Variants in LRIG2 observed in about 807,000 individuals in gnomAD.
LRIG2 encodes leucine rich repeats and immunoglobulin like domains 2.
In LRIG2, 93 loss-of-function variants were observed where a neutral mutation model predicts 107.8. The observed-to-expected ratio is 0.86, with a 90% CI of 0.73 to 1.03. The LOEUF (loss-of-function observed/expected upper bound fraction) is 1.03, where lower values mean the gene tolerates loss of function less well. Among genes scored for constraint, LRIG2 ranks in the 50% least tolerant of loss-of-function variants. The probability of loss-of-function intolerance (pLI) is 0.00; values close to 1 mark genes in which losing one functional copy is unlikely to be tolerated. For missense variants in LRIG2, 1,226 were observed against 1,296.0 expected, an observed-to-expected ratio of 0.95 and a Z score of 0.83; for synonymous variants, 471 against 470.6, an observed-to-expected ratio of 1.00 and a Z score of -0.01.
chr1:113,089,697 T>TTTTTG (rs1653711049), intron 1 of LRIG2, among the ~76,000 whole-genome samples: 2 of 145,094 alleles, frequency 1.4e-5, no homozygotes, highest in Non-Finnish European at 3.0e-5. Context: ...TTTTTTTTTT[T>TTTTTG]TGGAGACAGA....
intron 15 of LRIG2, 80 bp from the exon 16 acceptor site, chr1:113,116,207 T>C: frequency 8.0e-7 from 1 of 1,255,968 alleles, no homozygotes; most frequent in Admixed American, 2.1e-5. Context: ...AGTATCAAAG[T>C]GGAACACATT....
At position 113,099,244 on chromosome 1, in the gene LRIG2, C is replaced by CTTTTTTTTTTTTTTT. The variant is rs984786053; in HGVS notation, c.1172+470_1172+471insTTTTTTTTTTTTTTT. Among the ~76,000 whole-genome samples, 3 of 117,934 alleles carry CTTTTTTTTTTTTTTT rather than the reference C, an allele frequency of 2.5e-5. 1 individual carries two copies. The highest frequency in any genetic ancestry group is 1.7e-5 in the Non-Finnish European group (1 of 60,172). 77.4% of individuals were successfully genotyped at this position (117,934 alleles called of 152,430 possible). On this transcript the variant is annotated intron_variant, in intron 9 of 17. Coordinates refer to ENST00000361127, the MANE Select transcript of LRIG2 (RefSeq NM_014813.3). ...GCCACTGAACTTGGCTGGTTTTTTT[C>CTTTTTTTTTTTTTTT]TTTTTTTTTTTGAGACAGGGTCTTG...
At chr1:113,078,006 A>G (rs1653068166) in intron 1 of LRIG2, among the ~76,000 whole-genome samples, 2 of 150,776 alleles carry the variant, frequency 1.3e-5, no homozygotes, top group East Asian at 2.0e-4. Context: ...TGTCCTTGCA[A>G]TAGTTTGCTG....
Position 113,098,695 on chromosome 1 carries a change from A to G in LRIG2, c.1092-10A>G, listed in dbSNP as rs777365164. 2.5e-6 allele frequency: 4 copies of G among 1,591,742 alleles called. No homozygotes were observed. Among genetic ancestry groups the G allele is most frequent in the Non-Finnish European group, 3.4e-6 (4 of 1,159,882 alleles). ...CTAATAGCACCTGTCTTTCTCTGAC[A>G]TTTTTGTAGAGACTTAAGAAACAAT... On this transcript the variant is annotated splice_polypyrimidine_tract_variant and intron_variant, in intron 8 of 17. Transcript: ENST00000361127.
At chr1:113,120,056 G>A (rs1655178248) in intron 17 of LRIG2, among the ~76,000 whole-genome samples, 1 of 152,024 alleles carries the variant, frequency 6.6e-6, no homozygotes, top group Non-Finnish European at 1.5e-5. Context: ...GTGATTGCCT[G>A]CCTTGGCCTC....
chr1:113,076,660 T>C (rs1652995682), intron 1 of LRIG2, among the ~76,000 whole-genome samples: 1 of 152,254 alleles, frequency 6.6e-6, no homozygotes, highest in Non-Finnish European at 1.5e-5. Context: ...TTTCTTTATG[T>C]AATTTTGAAT....
intron 11 of LRIG2, among the ~76,000 whole-genome samples, chr1:113,102,718 G>C (rs1654360368): frequency 6.6e-6 from 1 of 152,042 alleles, no homozygotes. Flanking sequence ...AGAGTTAGGA[G>C]GCAGATCATA....
At chr1:113,090,690 T>C (rs1243432993) in intron 1 of LRIG2, among the ~76,000 whole-genome samples, 1 of 151,190 alleles carries the variant, frequency 6.6e-6, no homozygotes. Flanking sequence ...ACAAAAAAAT[T>C]AGCCGGGCGT....
In LRIG2 at chr1:113,114,536, T is replaced by A. The variant is rs760605780; in HGVS notation, c.2190T>A (p.Thr730=). Residue 730 remains threonine, a synonymous_variant, in exon 15 of 18, where the codon ACT becomes ACA. Transcript: ENST00000361127. ...GGSPAPRLNW[T]KDDGPLLVTE... ...GTCCTGCCCCTCGTCTCAACTGGAC[T>A]AAAGATGATGGGCCTTTGCTGGTGA... 6 of 1,614,156 alleles carry A rather than the reference T, an allele frequency of 3.7e-6. No homozygotes were observed. The Admixed American group carries it at 1.0e-4, about 27-fold the overall frequency.
chr1:113,100,378 T>C (rs749520966), intron 10 of LRIG2, 42 bp from the exon 11 acceptor site: 5 of 1,428,380 alleles, frequency 3.5e-6, no homozygotes, highest in East Asian at 4.6e-5. Context: ...TAACTTGATA[T>C]AGAAATGGTG....
chr1:113,116,407 C>A lies in LRIG2; in HGVS notation c.2651C>A (p.Ala884Asp). ...AGSHQQLMPP[A>D]NGYIHKGTDG... ...AGTCATCAGCAACTTATGCCTCCTG[C>A]CAATGGATATATACACAAAGGCACT... Residue 884 changes from alanine (A) to aspartate (D), a missense_variant, in exon 16 of 18, where the codon GCC (alanine) becomes GAC (aspartate). Ala to Asp is a moderately radical substitution (Grantham distance 126). This residue lies in a region of LRIG2 where 642 missense variants were observed against 712.2 expected (regional missense o/e 0.90). Coordinates refer to ENST00000361127, the MANE Select transcript of LRIG2 (RefSeq NM_014813.3). 6.2e-7 allele frequency: 1 copy of A among 1,611,552 alleles called. No homozygotes were observed. The highest frequency in any genetic ancestry group is 8.5e-7 in the Non-Finnish European group (1 of 1,179,250).
At chr1:113,104,333 C>G (rs886607925) in intron 11 of LRIG2, among the ~76,000 whole-genome samples, 1 of 152,128 alleles carries the variant, frequency 6.6e-6, no homozygotes, top group Non-Finnish European at 1.5e-5. Flanking sequence ...AGGCCCCCCA[C>G]CCTTCCTGGG....
chr1:113,104,666 C>T (rs1397000580), intron 11 of LRIG2, among the ~76,000 whole-genome samples: 1 of 152,058 alleles, frequency 6.6e-6, no homozygotes, highest in Admixed American at 6.6e-5. Context: ...AGGCACCCAC[C>T]ACCACACCCA....
At chr1:113,102,261 ATTTT>A (rs58695970) in intron 11 of LRIG2, among the ~76,000 whole-genome samples, 1 of 150,378 alleles carries the variant, frequency 6.6e-6, no homozygotes, top group Admixed American at 6.6e-5. Flanking sequence ...TTGTTCCAGT[ATTTT>A]TTTTTTTAAT....
At position 113,073,500 on chromosome 1, in the gene LRIG2, C is replaced by A. The variant is rs1344576867; in HGVS notation, c.94C>A (p.Leu32Ile). 2.2e-5 allele frequency: 36 copies of A among 1,614,060 alleles called. No homozygotes were observed. The highest frequency in any genetic ancestry group is 4.0e-5 in the African/African-American group (3 of 74,950). ...GTTACTCTTCATTGCCCAGACCGCTCTCCTCCTGTTGCCCGCCGCCGGAGC... is the reference window on the plus strand; with the variant it reads ...GTTACTCTTCATTGCCCAGACCGCTATCCTCCTGTTGCCCGCCGCCGGAGC... ...SRLLFIAQTALLLLPAAGAGL... is the reference protein window; with the variant it reads ...SRLLFIAQTAILLLPAAGAGL... The change falls in exon 1 of 18, where the codon CTC becomes ATC. Residue 32 changes from leucine to isoleucine, a missense_variant. Leu to Ile is a conservative substitution (Grantham distance 5). Around this residue, in one of 3 missense-constraint regions of LRIG2, gnomAD observed 570 missense variants for 550.2 expected, o/e 1.04. Transcript: ENST00000361127.
intron 17 of LRIG2, 127 bp downstream of exon 17, chr1:113,119,650 T>G: frequency 2.6e-6 from 2 of 774,156 alleles, no homozygotes; most frequent in Non-Finnish European, 4.1e-6. Context: ...TAACTGGCCA[T>G]TGTTAAATGG....
At chr1:113,088,022 TGTAATTCTA>T (rs1164809548) in intron 1 of LRIG2, among the ~76,000 whole-genome samples, 3 of 152,380 alleles carry the variant, frequency 2.0e-5, no homozygotes, top group African/African-American at 7.2e-5. Flanking sequence ...GATCAATCCA[TGTAATTCTA>T]GTTAGACACT....
At position 113,075,120 on chromosome 1, in the gene LRIG2, G is replaced by A. The variant is rs112766273; in HGVS notation, c.239+1475G>A. 1.5e-3 allele frequency among the ~76,000 whole-genome samples: 234 copies of A among 152,104 alleles called. 1 individual carries two copies. Among genetic ancestry groups the A allele is most frequent in the Non-Finnish European group, 2.6e-3 (180 of 67,994 alleles). On this transcript the variant is annotated intron_variant, in intron 1 of 17. Coordinates refer to ENST00000361127, the MANE Select transcript of LRIG2 (RefSeq NM_014813.3). ...TAATACTAGCTACACCCTGAGGCAG[G>A]AGAATCACTTGAACCCGGGAGGGCG...
chr1:113,088,630 T>G (rs1653659973), intron 1 of LRIG2, among the ~76,000 whole-genome samples: 2 of 152,152 alleles, frequency 1.3e-5, no homozygotes, highest in African/African-American at 4.8e-5. Context: ...GTTATAGTAG[T>G]CACCAGATAC....
Sources: gnomAD v4.1 joint callset for allele counts (sites outside exome capture counted in the v4.1 genomes callset) on GRCh38, gnomAD v4.1.1 for gene constraint, gnomAD v4.1.1 regional missense constraint, MANE v1.5 for transcripts, NCBI Gene and HGNC (gene_info 2026-07-23, HGNC 2026-07-21) for gene names.